Variants in INSYN2B observed in about 807,000 individuals in gnomAD.
The protein encoded by INSYN2B is inhibitory synaptic factor family member 2B.
A neutral mutation model predicts 41.2 loss-of-function variants in INSYN2B; 16 were observed. The ratio of observed to expected loss-of-function variants is 0.39; its 90% CI spans 0.26 to 0.59. The LOEUF is 0.59. Ranked by LOEUF, INSYN2B falls within the 20% of genes least tolerant of loss-of-function variation. The pLI is 0.57. For synonymous variants in INSYN2B, 245 were observed against 244.4 expected, an observed-to-expected ratio of 1.00 and a Z score of -0.02; for missense variants, 608 against 646.4, an observed-to-expected ratio of 0.94 and a Z score of 0.64.
At chr5:169,870,707 C>T (rs185936771) in intron 3 of INSYN2B, among the ~76,000 whole-genome samples, 5 of 152,124 alleles carry the variant, frequency 3.3e-5, no homozygotes, top group Admixed American at 3.3e-4. Flanking sequence ...CACCCATTAA[C>T]TCATCATTTA....
Position 169,909,801 on chromosome 5 carries a change from G to T in INSYN2B, c.-918-24985C>A, listed in dbSNP as rs553699681. 2.3e-4 allele frequency among the ~76,000 whole-genome samples: 35 copies of T among 152,278 alleles called. No individual in the cohort carries two copies. The South Asian group carries it at 7.1e-3, about 31-fold the overall frequency. On this transcript the variant is annotated intron_variant, in intron 1 of 3. Transcript: ENST00000377365. Reference sequence around the variant, plus strand: ...CACTTACAAGGATTATTATCATCCAGATTTGGAACTTCTAGAATGGTCTGA... The same window carrying T: ...CACTTACAAGGATTATTATCATCCATATTTGGAACTTCTAGAATGGTCTGA...
rs926263479 is a variant in INSYN2B, at chr5:169,862,042, C to A, written c.*2231G>T. Among the ~76,000 whole-genome samples, 1 of 151,680 alleles carries A rather than the reference C, an allele frequency of 6.6e-6. No individual in the cohort carries two copies. Among genetic ancestry groups the A allele is most frequent in the Non-Finnish European group, 1.5e-5 (1 of 68,002 alleles). On this transcript the variant is annotated 3_prime_UTR_variant, in exon 4 of 4. Transcript: ENST00000377365. ...GTGAGGGCCTCAACTGGAAACATAT[C>A]TATGACCACATCAGCTTATTAATTT...
chr5:169,873,016 A>G (rs1581332507), intron 3 of INSYN2B, among the ~76,000 whole-genome samples: 2 of 152,040 alleles, frequency 1.3e-5, no homozygotes. Context: ...AGATCGGATC[A>G]CTCTGTGATC....
At chr5:169,874,881 C>T (rs1282817376) in intron 3 of INSYN2B, among the ~76,000 whole-genome samples, 1 of 142,040 alleles carries the variant, frequency 7.0e-6, no homozygotes, top group African/African-American at 3.0e-5. Context: ...TTTCTCTTCT[C>T]ATTGGAAACA....
chr5:169,936,219 A>G (rs1336094180), intron 1 of INSYN2B, among the ~76,000 whole-genome samples: 1 of 152,238 alleles, frequency 6.6e-6, no homozygotes, highest in Admixed American at 6.5e-5. Context: ...GGCATTTTTG[A>G]GGCCCAAGCG....
rs562320927 is a variant in INSYN2B, at chr5:169,878,773, T to G, written c.1421+2595A>C. ...TAATGCTAAGGAGAAGTGAAGGGAG[T>G]GATTGGGGCCAAAACAGCCTGGAAT... On this transcript the variant is annotated intron_variant, in intron 3 of 3. Transcript: ENST00000377365. 1.8e-4 allele frequency among the ~76,000 whole-genome samples: 28 copies of G among 152,126 alleles called. No homozygotes were observed. The South Asian group carries it at 5.6e-3, about 30-fold the overall frequency.
chr5:169,872,404 T>C (rs1443099660), intron 3 of INSYN2B, among the ~76,000 whole-genome samples: 2 of 152,234 alleles, frequency 1.3e-5, no homozygotes, highest in Non-Finnish European at 2.9e-5. Flanking sequence ...AGGGATATTG[T>C]TCCTAAAACT....
In INSYN2B at chr5:169,882,681, C is replaced by T. The variant is rs1325529524; in HGVS notation, c.1218G>A (p.Arg406=). The T allele has an allele frequency of 6.4e-7, 1 of 1,552,090 alleles. No homozygotes were observed. Among genetic ancestry groups the T allele is most frequent in the African/African-American group, 1.4e-5 (1 of 73,146 alleles). The change falls in exon 2 of 4, where the codon CGG becomes CGA. Residue 406 remains arginine (R), a synonymous_variant. Transcript: ENST00000377365. ...GGCCTTGGAGGTCGCAGAGTTCACCCCGTGCCAGGTGAATTTGATTAATGT... is the reference window on the plus strand; with the variant it reads ...GGCCTTGGAGGTCGCAGAGTTCACCTCGTGCCAGGTGAATTTGATTAATGT... The part of the protein sequence containing the change: ...ISDINQIHLA[R]GELCDLQGRL...
At chr5:169,918,809 A>G (rs1239974040) in intron 1 of INSYN2B, among the ~76,000 whole-genome samples, 3 of 152,182 alleles carry the variant, frequency 2.0e-5, no homozygotes, top group Non-Finnish European at 2.9e-5. Flanking sequence ...GCTACTCGGG[A>G]GGCTGAGGCA....
At chr5:169,920,116 G>A (rs757373387) in intron 1 of INSYN2B, among the ~76,000 whole-genome samples, 3 of 152,212 alleles carry the variant, frequency 2.0e-5, no homozygotes, top group Non-Finnish European at 4.4e-5. Context: ...CAAGAGATTG[G>A]CTTTTTGAGA....
intron 1 of INSYN2B, among the ~76,000 whole-genome samples, chr5:169,953,872 C>T (rs1044762446): frequency 1.8e-4 from 28 of 152,136 alleles, no homozygotes; most frequent in South Asian, 6.2e-4. Context: ...TTACTTGTTC[C>T]GAGTTAGTTT....
intron 1 of INSYN2B, among the ~76,000 whole-genome samples, chr5:169,966,343 C>T (rs1399105974): frequency 2.6e-5 from 4 of 152,174 alleles, no homozygotes. Flanking sequence ...AGCCCCAAAT[C>T]TTAGCTGTGC....
At chr5:169,891,714 G>T (rs1387814657) in intron 1 of INSYN2B, among the ~76,000 whole-genome samples, 1 of 152,100 alleles carries the variant, frequency 6.6e-6, no homozygotes, top group East Asian at 1.9e-4. Flanking sequence ...GCCGGGCACG[G>T]TGGTTCACAC....
intron 1 of INSYN2B, among the ~76,000 whole-genome samples, chr5:169,956,410 C>A (rs1259245699): frequency 1.3e-5 from 2 of 152,256 alleles, no homozygotes; most frequent in East Asian, 3.9e-4. Flanking sequence ...TCCCTCCAGT[C>A]CCTCTCTCGT....
intron 1 of INSYN2B, among the ~76,000 whole-genome samples, chr5:169,892,132 C>T (rs1340860540): frequency 2.0e-5 from 3 of 152,054 alleles, no homozygotes; most frequent in Non-Finnish European, 4.4e-5. Context: ...CTTCCAAATC[C>T]AAGCTTAAGC....
In INSYN2B at chr5:169,863,304, T is replaced by A. The variant is rs1771320594; in HGVS notation, c.*969A>T. On this transcript the variant is annotated 3_prime_UTR_variant, in exon 4 of 4. Coordinates refer to ENST00000377365, the MANE Select transcript of INSYN2B (RefSeq NM_001129891.3). ...GTCGATTAATATATGTTTGAACCTA[T>A]CTACACGGCTGTTTCTGGGATGAAG... Among the ~76,000 whole-genome samples the A allele has an allele frequency of 6.6e-6, 1 of 152,238 alleles. No individual in the cohort carries two copies. The highest frequency in any genetic ancestry group is 2.4e-5 in the African/African-American group (1 of 41,454).
intron 1 of INSYN2B, among the ~76,000 whole-genome samples, chr5:169,932,214 C>T (rs1581436588): frequency 6.6e-6 from 1 of 152,124 alleles, no homozygotes; most frequent in East Asian, 1.9e-4. Flanking sequence ...CACACACACA[C>T]AGAGTAAGGA....
intron 1 of INSYN2B, among the ~76,000 whole-genome samples, chr5:169,974,614 G>A (rs1252463520): frequency 1.3e-5 from 2 of 152,090 alleles, no homozygotes; most frequent in Admixed American, 6.5e-5. Flanking sequence ...AAGAGTGGGA[G>A]CGGAGCTGCT....
chr5:169,902,046 T>C (rs1277537957), intron 1 of INSYN2B, among the ~76,000 whole-genome samples: 2 of 151,984 alleles, frequency 1.3e-5, no homozygotes. Flanking sequence ...GGTTTGTTTC[T>C]CCCTCTCTGT....
Sources: gnomAD v4.1 joint callset for allele counts (sites outside exome capture counted in the v4.1 genomes callset) on GRCh38, gnomAD v4.1.1 for gene constraint, MANE v1.5 for transcripts, NCBI Gene and HGNC (gene_info 2026-07-23, HGNC 2026-07-21) for gene names.